The following SPATA6 variants were observed in gnomAD, a reference collection of about 807,000 sequenced individuals.
SPATA6 encodes spermatogenesis associated 6, also known as spermatogenesis-associated protein 6.
Under a neutral mutation model 65.3 loss-of-function variants are expected in SPATA6, and 56 were observed. That is an observed-to-expected ratio of 0.86 (90% CI 0.69 to 1.07). SPATA6 has a LOEUF of 1.07. SPATA6 is among the 50% of genes least tolerant of loss of function. SPATA6 has a pLI of 0.00. For missense variants in SPATA6, 590 were observed against 594.8 expected (o/e 0.99, Z 0.08); for synonymous variants, 199 against 213.2 (o/e 0.93, Z 0.58).
chr1:48,290,216 T>C, the SPATA6 span, among the ~76,000 whole-genome samples: 1 of 152,144 alleles, frequency 6.6e-6, no homozygotes, highest in African/African-American at 2.4e-5. Flanking sequence ...AAGAAAAGAA[T>C]TTTCAACCCA....
At chr1:48,362,706 G>A (rs1463055231) in intron 9 of SPATA6, among the ~76,000 whole-genome samples, 1 of 152,040 alleles carries the variant, frequency 6.6e-6, no homozygotes, top group South Asian at 2.1e-4. Context: ...TAATGGTGCA[G>A]GTCTCACTGA....
chr1:48,281,392 T>C, the SPATA6 span, among the ~76,000 whole-genome samples: 1 of 152,050 alleles, frequency 6.6e-6, no homozygotes, highest in Non-Finnish European at 1.5e-5. Context: ...GGAAGTCAAA[T>C]TGTCCCTGTT....
intron 11 of SPATA6, among the ~76,000 whole-genome samples, chr1:48,318,737 C>G (rs12085605): frequency 0.14 from 21,836 of 152,044 alleles, 1,775 homozygotes; most frequent in African/African-American, 0.21. Flanking sequence ...CTATACAATT[C>G]CGGCCACAGT....
intron 5 of SPATA6, among the ~76,000 whole-genome samples, chr1:48,410,561 G>T (rs1652123972): frequency 6.6e-6 from 1 of 152,174 alleles, no homozygotes; most frequent in Non-Finnish European, 1.5e-5. Flanking sequence ...TTGCTAGCAA[G>T]AAATATCTGA....
intron 11 of SPATA6, among the ~76,000 whole-genome samples, chr1:48,331,552 C>A (rs1446883195): frequency 6.6e-6 from 1 of 152,068 alleles, no homozygotes. Flanking sequence ...ATGAACAGAA[C>A]CTCCTGGAAA....
chr1:48,372,710 A>G (rs908412754), intron 9 of SPATA6, among the ~76,000 whole-genome samples: 1 of 152,222 alleles, frequency 6.6e-6, no homozygotes, highest in Non-Finnish European at 1.5e-5. Flanking sequence ...CTGCCTGGGC[A>G]TCCAGGAGTT....
At chr1:48,287,037 C>CAAA in the SPATA6 span, among the ~76,000 whole-genome samples, 1,685 of 113,086 alleles carry the variant, frequency 0.015, 32 homozygotes, top group East Asian at 0.1. Flanking sequence ...TAGACTGTCT[C>CAAA]AAAAAAAAAA....
In SPATA6 at chr1:48,377,711, T is replaced by C. The variant is rs72893278; in HGVS notation, c.909+7598A>G. Among the ~76,000 whole-genome samples, 380 of 152,310 alleles carry C rather than the reference T, an allele frequency of 2.5e-3. 3 individuals are homozygous for C. The highest frequency in any genetic ancestry group is 8.9e-3 in the African/African-American group (368 of 41,572). ...TGCTAATTTTCTATTTCTAGCATAA[T>C]AGTGTCAGTCACATAATCTTTTTTA... is the stretch of plus-strand genomic sequence containing the variant. On this transcript the variant is annotated intron_variant, in intron 9 of 12. Transcript: ENST00000371847.
chr1:48,299,811 A>G (rs1644892064), intron 12 of SPATA6, among the ~76,000 whole-genome samples: 1 of 152,202 alleles, frequency 6.6e-6, no homozygotes, highest in African/African-American at 2.4e-5. Flanking sequence ...TGACTTGCCT[A>G]AGACTGCTCA....
chr1:48,402,812 G>A (rs1414604069), intron 6 of SPATA6: 1 of 152,078 alleles, frequency 6.6e-6, no homozygotes, highest in East Asian at 1.9e-4. Context: ...CAATGCAACT[G>A]CACATGAATG....
At chr1:48,423,974 C>T (rs1214462761) in intron 3 of SPATA6, among the ~76,000 whole-genome samples, 1 of 152,132 alleles carries the variant, frequency 6.6e-6, no homozygotes, top group Non-Finnish European at 1.5e-5. Flanking sequence ...TATCCATCTC[C>T]TCAAGCATTT....
the SPATA6 span, among the ~76,000 whole-genome samples, chr1:48,288,279 C>G: frequency 2.0e-5 from 3 of 152,156 alleles, no homozygotes; most frequent in African/African-American, 7.2e-5. Context: ...GTCTTTGGAA[C>G]TGGATCATGA....
At chr1:48,283,678 CAAAAA>C in the SPATA6 span, among the ~76,000 whole-genome samples, 5 of 60,836 alleles carry the variant, frequency 8.2e-5, no homozygotes, top group Admixed American at 2.3e-4. Flanking sequence ...GACTCCGTCT[CAAAAA>C]AAAAAAAAAA....
At chr1:48,310,955 A>C (rs971974055) in intron 11 of SPATA6, among the ~76,000 whole-genome samples, 1 of 152,220 alleles carries the variant, frequency 6.6e-6, no homozygotes, top group Non-Finnish European at 1.5e-5. Flanking sequence ...TGTAGAAATC[A>C]AACAATATAC....
chr1:48,301,100 T>C (rs1279769944), intron 12 of SPATA6, among the ~76,000 whole-genome samples: 3 of 152,002 alleles, frequency 2.0e-5, no homozygotes, highest in Admixed American at 1.3e-4. Flanking sequence ...AGTTAAATTA[T>C]TCCCTTCCAT....
intron 3 of SPATA6, among the ~76,000 whole-genome samples, chr1:48,450,514 A>G (rs1416660430): frequency 2.6e-5 from 4 of 152,140 alleles, no homozygotes; most frequent in Non-Finnish European, 4.4e-5. Flanking sequence ...TTTTTCTAAG[A>G]TACACAATTT....
intron 7 of SPATA6, 97 bp downstream of exon 7, chr1:48,399,254 T>TA (rs1399851703): frequency 7.5e-7 from 1 of 1,324,972 alleles, no homozygotes; most frequent in Non-Finnish European, 1.0e-6. Context: ...AAAGTATTAT[T>TA]AATATAAGCT....
intron 11 of SPATA6, among the ~76,000 whole-genome samples, chr1:48,313,136 G>C (rs1031888833): frequency 4.6e-5 from 7 of 152,186 alleles, no homozygotes; most frequent in African/African-American, 1.4e-4. Flanking sequence ...TATTTTCCAG[G>C]AGAACTTCCC....
intron 9 of SPATA6, among the ~76,000 whole-genome samples, chr1:48,370,795 G>A (rs1647217795): frequency 6.6e-6 from 1 of 152,066 alleles, no homozygotes; most frequent in Admixed American, 6.6e-5. Flanking sequence ...TATATATGAG[G>A]GATCTATGGC....
Sources: gnomAD v4.1 joint callset for allele counts (sites outside exome capture counted in the v4.1 genomes callset) on GRCh38, gnomAD v4.1.1 for gene constraint, MANE v1.5 for transcripts, NCBI Gene and HGNC (gene_info 2026-07-23, HGNC 2026-07-21) for gene names.